The following ZMYM3 variants were observed in gnomAD, a reference collection of about 807,000 sequenced individuals.
ZMYM3 encodes zinc finger MYM-type containing 3, also known as zinc finger MYM-type protein 3.
A neutral mutation model predicts 94.2 loss-of-function variants in ZMYM3; 6 were observed. That is an observed-to-expected ratio of 0.06 (90% CI 0.03 to 0.13). The LOEUF (loss-of-function observed/expected upper bound fraction) is 0.13, where lower values mean the gene tolerates loss of function less well. ZMYM3 is among the 10% of genes least tolerant of loss of function. The probability of loss-of-function intolerance (pLI) is 1.00; values close to 1 mark genes in which losing one functional copy is unlikely to be tolerated. For synonymous variants in ZMYM3, 420 were observed against 426.5 expected (o/e 0.98, Z 0.19); for missense variants, 664 against 1,132.6 (o/e 0.59, Z 5.94).
chrX:71,255,096 C>CTCTCTCTG (rs1203600709), upstream of ZMYM3: 4 of 45,813 alleles, frequency 8.7e-5, no homozygotes, highest in Non-Finnish European at 1.5e-4. Flanking sequence ...CTCTCTCTCT[C>CTCTCTCTG]TCTCTCTCTC....
At chrX:71,245,306 A>G (rs921815092) in intron 18 of ZMYM3, 33 bp downstream of exon 18, 9 of 1,202,954 alleles carry the variant, frequency 7.5e-6, no homozygotes, top group African/African-American at 3.5e-5. Context: ...AAATGCTACC[A>G]TACTCAGTGG....
chrX:71,250,750 T>G (rs1339150569), intron 4 of ZMYM3, 24 bp from the exon 5 acceptor site: 1 of 1,162,389 alleles, frequency 8.6e-7, no homozygotes, highest in South Asian at 2.0e-5. Context: ...GGGATGGACA[T>G]GAGAAAGGCC....
chrX:71,252,921 A>C lies in ZMYM3; in HGVS notation c.335T>G (p.Leu112Arg). The change falls in exon 2 of 25, where the codon CTA becomes CGA. Residue 112 changes from leucine to arginine, a missense_variant. Leu to Arg is a moderately radical substitution (Grantham distance 102, BLOSUM62 -2). Coordinates refer to ENST00000314425, the MANE Select transcript of ZMYM3 (RefSeq NM_201599.3). ...GGTCTGGCCCCCTGGTCCAGGCTCT[A>C]GGGTCTGATCTCCTGCATCCCATGC... ...TLAWDAGDQT[L>R]EPGPGGQTPE... 8.3e-7 allele frequency: 1 copy of C among 1,211,437 alleles called. No individual in the cohort carries two copies. Among genetic ancestry groups the C allele is most frequent in the East Asian group, 3.0e-5 (1 of 33,840 alleles).
rs1437606527 is a variant in ZMYM3, at chrX:71,250,652, G to A, written c.853C>T (p.Arg285Trp). 1.7e-6 allele frequency: 2 copies of A among 1,209,142 alleles called. No individual in the cohort carries two copies. The highest frequency in any genetic ancestry group is 2.2e-6 in the Non-Finnish European group (2 of 894,125). Residue 285 changes from arginine to tryptophan, a missense_variant, in exon 5 of 25, where the codon CGG (arginine) becomes TGG (tryptophan). This residue lies in a region of ZMYM3 where 45 missense variants were observed against 92.9 expected (regional missense o/e 0.48). Transcript: ENST00000314425. ...NDEDFVPFRP[R>W]RSPRMSLRSS... is the part of the protein sequence containing the mutation. Reference sequence around the variant, plus strand: ...CGTAGGGACATGCGAGGAGAGCGCCGGGGCCGGAATGGCACAAAGTCCTCA... The same window carrying A: ...CGTAGGGACATGCGAGGAGAGCGCCAGGGCCGGAATGGCACAAAGTCCTCA...
At position 71,250,657 on chromosome X, in the gene ZMYM3, C is replaced by T. The variant is rs1382637359; in HGVS notation, c.848G>A (p.Arg283Gln). Residue 283 changes from arginine to glutamine, a missense_variant, in exon 5 of 25, where the codon CGG (arginine) becomes CAG (glutamine). Arg to Gln is a conservative substitution (Grantham distance 43, BLOSUM62 1). Transcript: ENST00000314425. Reference protein sequence around the residue: ...DPNDEDFVPFRPRRSPRMSLR... With the variant: ...DPNDEDFVPFQPRRSPRMSLR... ...GGACATGCGAGGAGAGCGCCGGGGC[C>T]GGAATGGCACAAAGTCCTCATCATT... 2 of 1,208,595 alleles carry T rather than the reference C, an allele frequency of 1.7e-6. No individual in the cohort carries two copies. The highest frequency in any genetic ancestry group is 2.2e-6 in the Non-Finnish European group (2 of 893,917).
At chrX:71,250,948 A>G (rs1469162703) in intron 4 of ZMYM3, among the ~76,000 whole-genome samples, 2 of 111,236 alleles carry the variant, frequency 1.8e-5, no homozygotes, top group Non-Finnish European at 3.8e-5. Context: ...GAAGATTCGG[A>G]GACAGAGATG....
rs750635611 is a variant in ZMYM3 at position 71,245,473 on chromosome X, T to C, written c.2873A>G (p.Asn958Ser). 1.7e-6 allele frequency: 2 copies of C among 1,207,504 alleles called. No individual in the cohort carries two copies. Among genetic ancestry groups the C allele is most frequent in the Non-Finnish European group, 2.2e-6 (2 of 893,566 alleles). The change falls in exon 18 of 25, where the codon AAC (asparagine) becomes AGC (serine). Residue 958 changes from asparagine (N) to serine (S), a missense_variant. Around this residue, in one of 9 missense-constraint regions of ZMYM3, gnomAD observed 75 missense variants for 152.5 expected, o/e 0.49. Coordinates refer to ENST00000314425, the MANE Select transcript of ZMYM3 (RefSeq NM_201599.3). ...TTCCAGGAGTCCCTCTGCACTCTGG[T>C]TGCTCACAAGATCTGGGAAGCAGAG... ...ASSDLCDLVSNQSAEGLLEDC... is the reference protein window; with the variant it reads ...ASSDLCDLVSSQSAEGLLEDC...
intron 23 of ZMYM3, 65 bp from the exon 24 acceptor site, chrX:71,241,409 C>G: frequency 1.1e-6 from 1 of 917,950 alleles, no homozygotes; most frequent in Non-Finnish European, 1.5e-6. Context: ...CATCCAAGAG[C>G]ACAGTTCAGG....
Position 71,241,270 on chromosome X carries a change from G to A in ZMYM3, c.3877C>T (p.Leu1293Phe). Residue 1293 changes from leucine to phenylalanine, a missense_variant, in exon 24 of 25, where the codon CTC (leucine) becomes TTC (phenylalanine). Physicochemically the swap from Leu to Phe is conservative, Grantham distance 22 (BLOSUM62 0). Around this residue, in one of 9 missense-constraint regions of ZMYM3, gnomAD observed 58 missense variants for 112.4 expected, o/e 0.52. Transcript: ENST00000314425. ...LEQRENRMNPLRCPVKFYEFY... is the reference protein window; with the variant it reads ...LEQRENRMNPFRCPVKFYEFY... ...TCATAGAACTTGACAGGGCAGCGGA[G>A]GGGATTCATGCGGTTCTCACGCTGC... 1 of 1,207,870 alleles carries A rather than the reference G, an allele frequency of 8.3e-7. No individual in the cohort carries two copies. Among genetic ancestry groups the A allele is most frequent in the Non-Finnish European group, 1.1e-6 (1 of 893,114 alleles).
At position 71,239,981 on chromosome X, in the gene ZMYM3, A is replaced by G. The variant is rs2029889400; in HGVS notation, c.*935T>C. On this transcript the variant is annotated 3_prime_UTR_variant, in exon 25 of 25. Coordinates refer to ENST00000314425, the MANE Select transcript of ZMYM3 (RefSeq NM_201599.3). ...CCTTTGACCACAGATCCCATCCTGC[A>G]TGACTCAAGGTCCCATAGGCTTGGC... is the stretch of plus-strand genomic sequence containing the variant. 1 of 112,906 alleles carries G rather than the reference A, an allele frequency of 8.9e-6. No individual in the cohort carries two copies. The highest frequency in any genetic ancestry group is 3.2e-5 in the African/African-American group (1 of 30,970). 9.3% of individuals were successfully genotyped at this position (112,906 alleles called of 1,213,427 possible). A position where few individuals can be genotyped will look rare whatever the true frequency, so the allele number is the denominator to read the frequency against.
rs200825307 is a variant in ZMYM3 at position 71,252,811 on chromosome X, G to A, written c.445C>T (p.Pro149Ser). The A allele has an allele frequency of 1.1e-5, 13 of 1,211,351 alleles. No homozygotes were observed. In the East Asian group the frequency reaches 3.3e-4, roughly 30 times the overall value. ...ATATGTGGGGACTGCAGTGTTATTG[G>A]AGAATCTGGAGCCAAAGGCTCTAGT... is the stretch of plus-strand genomic sequence containing the variant. ...GLLEPLAPDS[P>S]ITLQSPHIEE... The change falls in exon 2 of 25, where the codon CCA (proline) becomes TCA (serine). Residue 149 changes from proline to serine, a missense_variant. This residue lies in a region of ZMYM3 where 196 missense variants were observed against 190.8 expected (regional missense o/e 1.03). Transcript: ENST00000314425.
rs1459378926 is a variant in ZMYM3, at chrX:71,240,373, A to G, written c.*543T>C. ...ACCAATTATTTCATAGGAGGGGAAG[A>G]GTGTCTAAGCTCTGTGTTTTATGTA... On this transcript the variant is annotated 3_prime_UTR_variant, in exon 25 of 25. Transcript: ENST00000314425. 1.8e-5 allele frequency: 2 copies of G among 112,049 alleles called. No homozygotes were observed. The highest frequency in any genetic ancestry group is 2.8e-4 in the East Asian group (1 of 3,526). 9.2% of individuals were successfully genotyped at this position (112,049 alleles called of 1,213,427 possible). A position where few individuals can be genotyped will look rare whatever the true frequency, so the allele number is the denominator to read the frequency against.
chrX:71,248,749 G>A lies in ZMYM3; in HGVS notation c.1674C>T (p.Tyr558=). The A allele has an allele frequency of 8.3e-7, 1 of 1,208,836 alleles. No homozygotes were observed. ...FCRRSLSDPC[Y]YNKVDRTVYQ... ...AGACTGTGCGGTCAACCTTGTTGTA[G>A]TAACAGGGGTCAGAGAGGCTGCGGC... is the stretch of plus-strand genomic sequence containing the variant. Residue 558 remains tyrosine (Y), a synonymous_variant, in exon 9 of 25, where the codon TAC becomes TAT. Coordinates refer to ENST00000314425, the MANE Select transcript of ZMYM3 (RefSeq NM_201599.3).
At position 71,241,698 on chromosome X, in the gene ZMYM3, C is replaced by T. The variant is rs754638740; in HGVS notation, c.3803-354G>A. On this transcript the variant is annotated intron_variant, in intron 23 of 24. Transcript: ENST00000314425. The stretch of plus-strand genomic sequence containing the variant: ...GATAGAGAAACAGCAATGACCCCAA[C>T]CCCTTGTGCATTAGTCCAGGTAGAA... 3.6e-5 allele frequency among the ~76,000 whole-genome samples: 4 copies of T among 111,785 alleles called. No homozygotes were observed. In the South Asian group the frequency reaches 1.5e-3, roughly 42 times the overall value.
At position 71,254,126 on chromosome X, in the gene ZMYM3, G is replaced by C. The variant is rs1051020814; in HGVS notation, c.-117C>G. ...CTCCCTCCCTAGCAGCCGGGACAGGGGTCGCGGCCCCTTTAAATGGCAGCG... is the reference window on the plus strand; with the variant it reads ...CTCCCTCCCTAGCAGCCGGGACAGGCGTCGCGGCCCCTTTAAATGGCAGCG... On this transcript the variant is annotated 5_prime_UTR_variant, in exon 1 of 25. Transcript: ENST00000314425. The C allele has an allele frequency of 8.9e-6, 1 of 111,743 alleles. No individual in the cohort carries two copies. Among genetic ancestry groups the C allele is most frequent in the Non-Finnish European group, 1.9e-5 (1 of 53,023 alleles). 9.2% of individuals were successfully genotyped at this position (111,743 alleles called of 1,213,427 possible).
intron 7 of ZMYM3, 87 bp from the exon 8 acceptor site, chrX:71,249,256 C>A: frequency 4.3e-6 from 5 of 1,176,133 alleles, no homozygotes; most frequent in Admixed American, 4.9e-5. Flanking sequence ...ATATTTCAGG[C>A]ATACAAAAAA....
At chrX:71,249,264 A>G in intron 7 of ZMYM3, 95 bp from the exon 8 acceptor site, 1 of 1,177,460 alleles carries the variant, frequency 8.5e-7, no homozygotes, top group Non-Finnish European at 1.1e-6. Context: ...GGCATACAAA[A>G]AAAGTATAGA....
At chrX:71,245,196 TG>T in intron 18 of ZMYM3, 142 bp downstream of exon 18, 2 of 703,412 alleles carry the variant, frequency 2.8e-6, no homozygotes, top group African/African-American at 2.2e-5. Flanking sequence ...CTGGTGTCTC[TG>T]GCACTGCTCC....
At chrX:71,245,199 C>T in intron 18 of ZMYM3, 140 bp downstream of exon 18, 1 of 760,964 alleles carries the variant, frequency 1.3e-6, no homozygotes. Flanking sequence ...GTGTCTCTGG[C>T]ACTGCTCCCT....
Sources: allele counts gnomAD v4.1 joint callset (sites outside exome capture counted in the v4.1 genomes callset), GRCh38; gene constraint gnomAD v4.1.1; regional missense constraint gnomAD v4.1.1; transcripts MANE v1.5; gene names NCBI Gene and HGNC (gene_info 2026-07-23, HGNC 2026-07-21).